SYK: variants seen among roughly 807,000 people sequenced by gnomAD.
SYK encodes the protein tyrosine-protein kinase SYK.
Under a neutral mutation model 77.8 loss-of-function variants are expected in SYK, and 16 were observed. The observed-to-expected ratio is 0.21, with a 90% CI of 0.14 to 0.31. SYK has a LOEUF of 0.31. SYK is among the 10% of genes least tolerant of loss of function. The pLI, the probability that SYK is intolerant of heterozygous loss-of-function variation, is 1.00. For missense variants in SYK, 529 were observed against 814.4 expected, an observed-to-expected ratio of 0.65 and a Z score of 4.26; for synonymous variants, 312 against 308.7, an observed-to-expected ratio of 1.01 and a Z score of -0.11.
chr9:90,884,516 CACAT>C lies in SYK; in HGVS notation c.1582-3229_1582-3226del, dbSNP rs1408422888. On this transcript the variant is annotated intron_variant, in intron 11 of 13. Transcript: ENST00000375754. ...ACATATGTGTACATGTACATACATA[CACAT>C]ACACATATGTGTACATGTACATACA... Among the ~76,000 whole-genome samples the C allele has an allele frequency of 6.5e-5, 7 of 108,266 alleles. 3 individuals are homozygous for C. Among genetic ancestry groups the C allele is most frequent in the African/African-American group, 2.3e-4 (7 of 30,376 alleles). The allele number at this position is 108,266 out of a possible 152,430, so 71.0% of individuals were successfully genotyped here.
At chr9:90,854,550 G>T (rs1201996926) in intron 3 of SYK, among the ~76,000 whole-genome samples, 1 of 152,130 alleles carries the variant, frequency 6.6e-6, no homozygotes, top group Non-Finnish European at 1.5e-5. Context: ...TGATCTCTTG[G>T]GACCCTAGAA....
At position 90,877,567 on chromosome 9, in the gene SYK, G is replaced by A. The variant is rs2290889; in HGVS notation, c.1182-4G>A. 94,905 of 1,613,904 alleles carry A rather than the reference G, an allele frequency of 0.059. 3,337 individuals carry two copies. The highest frequency in any genetic ancestry group is 0.15 in the South Asian group (13,661 of 91,058). ...TTTCTTGTGTGTTATGATTTCTCTT[G>A]CAGAGTTGTGAAAACCGTGGCTGTG... On this transcript the variant is annotated splice_polypyrimidine_tract_variant and splice_region_variant and intron_variant, in intron 9 of 13. Transcript: ENST00000375754.
chr9:90,857,151 G>T (rs186852519), intron 3 of SYK, among the ~76,000 whole-genome samples: 7 of 152,312 alleles, frequency 4.6e-5, no homozygotes, highest in South Asian at 2.1e-4. Flanking sequence ...CCTTTTCCTT[G>T]TTCATTGAGG....
rs540743459 is a variant in SYK at position 90,853,519 on chromosome 9, C to T, written c.578+7925C>T. Among the ~76,000 whole-genome samples, 7 of 152,224 alleles carry T rather than the reference C, an allele frequency of 4.6e-5. No homozygotes were observed. In the South Asian group the frequency reaches 1.2e-3, roughly 27 times the overall value. ...GGATTAAGAAAATGTGGCACATATA[C>T]ACCATGGAATACTATGCAGCCATAA... On this transcript the variant is annotated intron_variant, in intron 3 of 13. Transcript: ENST00000375754.
intron 1 of SYK, among the ~76,000 whole-genome samples, chr9:90,842,384 C>T (rs111207157): frequency 0.049 from 7,253 of 147,306 alleles, 294 homozygotes; most frequent in East Asian, 0.22. Flanking sequence ...GTGTGTAGTG[C>T]GCATGTAGTC....
chr9:90,883,629 C>A (rs1407674619), intron 11 of SYK, among the ~76,000 whole-genome samples: 1 of 152,088 alleles, frequency 6.6e-6, no homozygotes, highest in Non-Finnish European at 1.5e-5. Context: ...GCTGAATGCA[C>A]CACCAGGGAG....
intron 11 of SYK, among the ~76,000 whole-genome samples, chr9:90,884,340 C>CACACAT (rs1554714425): frequency 8.0e-6 from 1 of 124,604 alleles, no homozygotes; most frequent in African/African-American, 3.0e-5. Context: ...TGTATATATA[C>CACACAT]ACACATACAC....
intron 3 of SYK, among the ~76,000 whole-genome samples, chr9:90,855,440 C>G (rs1027172273): frequency 6.6e-5 from 10 of 152,110 alleles, no homozygotes; most frequent in African/African-American, 2.4e-4. Flanking sequence ...AGGGCCTGCT[C>G]CTGGACGAGG....
At chr9:90,847,703 G>C (rs1214282853) in intron 3 of SYK, among the ~76,000 whole-genome samples, 1 of 152,222 alleles carries the variant, frequency 6.6e-6, no homozygotes, top group East Asian at 1.9e-4. Flanking sequence ...TCCCATGATG[G>C]TTGTAGAACC....
intron 3 of SYK, among the ~76,000 whole-genome samples, chr9:90,846,766 A>T (rs919442089): frequency 1.3e-5 from 2 of 150,898 alleles, no homozygotes; most frequent in African/African-American, 4.9e-5. Context: ...GCCTAGAGTG[A>T]TGGTCTTTAG....
At chr9:90,853,779 A>G (rs1458839724) in intron 3 of SYK, among the ~76,000 whole-genome samples, 2 of 152,134 alleles carry the variant, frequency 1.3e-5, no homozygotes, top group Non-Finnish European at 1.5e-5. Flanking sequence ...CTAAATGACA[A>G]GTTAATGGGT....
In SYK at chr9:90,859,611, A is replaced by G. The variant is rs796755474; in HGVS notation, c.579-2595A>G. 2.6e-5 allele frequency among the ~76,000 whole-genome samples: 4 copies of G among 152,324 alleles called. 1 individual carries two copies. The highest frequency in any genetic ancestry group is 9.6e-5 in the African/African-American group (4 of 41,568). ...ACACATTTCATACACCTAGGGGTGG[A>G]ATTGCTCATTCACGAGGTCTGTGAA... is the stretch of plus-strand genomic sequence containing the variant. On this transcript the variant is annotated intron_variant, in intron 3 of 13. Coordinates refer to ENST00000375754, the MANE Select transcript of SYK (RefSeq NM_003177.7).
At chr9:90,839,232 T>A (rs775660455) in intron 1 of SYK, among the ~76,000 whole-genome samples, 4 of 152,088 alleles carry the variant, frequency 2.6e-5, no homozygotes, top group Non-Finnish European at 5.9e-5. Context: ...ATTCCCCCAA[T>A]TAAGTAGCCC....
chr9:90,890,217 C>T (rs952580536), intron 13 of SYK, among the ~76,000 whole-genome samples: 1 of 152,138 alleles, frequency 6.6e-6, no homozygotes, highest in African/African-American at 2.4e-5. Flanking sequence ...ACTTGGCTCC[C>T]AGGTGGGTGC....
At chr9:90,814,762 GT>G (rs1225541723) in intron 1 of SYK, among the ~76,000 whole-genome samples, 1 of 152,058 alleles carries the variant, frequency 6.6e-6, no homozygotes, top group Non-Finnish European at 1.5e-5. Context: ...CTTGAGTCTT[GT>G]CCATGGGGCC....
chr9:90,890,304 C>G lies in SYK; in HGVS notation c.1835+1677C>G, dbSNP rs76708548. On this transcript the variant is annotated intron_variant, in intron 13 of 13. Coordinates refer to ENST00000375754, the MANE Select transcript of SYK (RefSeq NM_003177.7). Reference sequence around the variant, plus strand: ...GGAATCAGGATAGGGGCTGCTGGGCCGACCTCTGTCCTCCATGGACGCACG... The same window carrying G: ...GGAATCAGGATAGGGGCTGCTGGGCGGACCTCTGTCCTCCATGGACGCACG... 7.0e-4 allele frequency among the ~76,000 whole-genome samples: 107 copies of G among 152,232 alleles called. 1 individual carries two copies. In the East Asian group the frequency reaches 0.02, roughly 28 times the overall value.
At chr9:90,864,932 G>C in intron 5 of SYK, 116 bp from the exon 6 acceptor site, 1 of 1,031,084 alleles carries the variant, frequency 9.7e-7, no homozygotes. Flanking sequence ...TGCAGAAAGC[G>C]TGCTCACTTC....
At position 90,879,076 on chromosome 9, in the gene SYK, A is replaced by G. The variant is rs555421961; in HGVS notation, c.1581+123A>G. 2.1e-5 allele frequency: 13 copies of G among 633,624 alleles called. No homozygotes were observed. The East Asian group carries it at 2.5e-4, about 12-fold the overall frequency. 39.3% of individuals were successfully genotyped at this position (633,624 alleles called of 1,614,324 possible). A position where few individuals can be genotyped will look rare whatever the true frequency, so the allele number is the denominator to read the frequency against. ...GCAGTTTTGCTACTGAAAAATAACT[A>G]TGTAAGATATGTTCTTATAATCTTT... On this transcript the variant is annotated intron_variant, in intron 11 of 13. Transcript: ENST00000375754.
At chr9:90,803,718 C>A (rs1429068118) in intron 1 of SYK, among the ~76,000 whole-genome samples, 4 of 151,672 alleles carry the variant, frequency 2.6e-5, no homozygotes, top group Admixed American at 2.0e-4. Context: ...TGTGCCAAGA[C>A]GTATTTTGGA....
Sources: gnomAD v4.1 joint callset for allele counts (sites outside exome capture counted in the v4.1 genomes callset) on GRCh38, gnomAD v4.1.1 for gene constraint, MANE v1.5 for transcripts, NCBI Gene and HGNC (gene_info 2026-07-23, HGNC 2026-07-21) for gene names.